DLG4: variants seen among roughly 807,000 people sequenced by gnomAD.
The protein encoded by DLG4 is disks large homolog 4.
In DLG4, 7 loss-of-function variants were observed where a neutral mutation model predicts 93.8. The ratio of observed to expected loss-of-function variants is 0.07; its 90% CI spans 0.04 to 0.14. The LOEUF (loss-of-function observed/expected upper bound fraction) is 0.14, where lower values mean the gene tolerates loss of function less well. Among genes scored for constraint, DLG4 ranks in the 10% least tolerant of loss-of-function variants. The pLI, the probability that DLG4 is intolerant of heterozygous loss-of-function variation, is 1.00. For synonymous variants in DLG4, 341 were observed against 387.6 expected, an observed-to-expected ratio of 0.88 and a Z score of 1.41; for missense variants, 545 against 992.9, an observed-to-expected ratio of 0.55 and a Z score of 6.06.
At chr17:7,197,960 G>C (rs773586075) in intron 8 of DLG4, among the ~76,000 whole-genome samples, 1 of 152,100 alleles carries the variant, frequency 6.6e-6, no homozygotes, top group East Asian at 1.9e-4. Context: ...GTAGCGCTAC[G>C]TTCTTCCTAC....
Position 7,193,928 on chromosome 17 carries a change from A to T in DLG4, c.1515+36T>A. ...TATGAGCTCAGCTCCATGAGCCCTC[A>T]CACTTCCACCCAGGCTCACACCCTC... On this transcript the variant is annotated intron_variant, in intron 13 of 19. Transcript: ENST00000399506. The surrounding 1 kb of genome is among the most constrained non-coding windows in gnomAD (Gnocchi z 6.7). 1 of 1,613,498 alleles carries T rather than the reference A, an allele frequency of 6.2e-7. No individual in the cohort carries two copies. Among genetic ancestry groups the T allele is most frequent in the Non-Finnish European group, 8.5e-7 (1 of 1,179,710 alleles).
chr17:7,197,791 G>A (rs1368861117), intron 8 of DLG4, among the ~76,000 whole-genome samples: 1 of 151,986 alleles, frequency 6.6e-6, no homozygotes, highest in Non-Finnish European at 1.5e-5. Context: ...AGCCTATGAG[G>A]GAAATTCTAA....
At chr17:7,207,913 GC>G (rs1476402930) in intron 2 of DLG4, among the ~76,000 whole-genome samples, 1 of 151,754 alleles carries the variant, frequency 6.6e-6, no homozygotes, top group African/African-American at 2.4e-5. Context: ...CCCCACAAAC[GC>G]CCCCTCCCCC....
chr17:7,200,661 C>T (rs2070072357), intron 8 of DLG4, among the ~76,000 whole-genome samples: 1 of 151,970 alleles, frequency 6.6e-6, no homozygotes, highest in South Asian at 2.1e-4. Context: ...ATTCTCCTGC[C>T]TCAGCCTCCT....
chr17:7,213,221 C>T (rs2070779732), intron 1 of DLG4, among the ~76,000 whole-genome samples: 1 of 151,244 alleles, frequency 6.6e-6, no homozygotes, highest in African/African-American at 2.4e-5. Context: ...CCTCAACCTC[C>T]CGGATATCTG....
At chr17:7,199,092 G>C (rs574763915) in intron 8 of DLG4, among the ~76,000 whole-genome samples, 1 of 152,212 alleles carries the variant, frequency 6.6e-6, no homozygotes, top group Admixed American at 6.5e-5. Flanking sequence ...TGAGGTAGCT[G>C]GTACATGAAA....
rs762785732 is a variant in DLG4, at chr17:7,204,266, CAA to C, written c.97-16_97-15del. On this transcript the variant is annotated splice_polypyrimidine_tract_variant and intron_variant, in intron 2 of 19. Coordinates refer to ENST00000399506, the MANE Select transcript of DLG4 (RefSeq NM_001321075.3). Reference sequence around the variant, plus strand: ...GGGAGAATTGGCCTGTTTGGGAAAACAAGAGACAAAAAGCAGCCTGAGCCTTG... The same window carrying C: ...GGGAGAATTGGCCTGTTTGGGAAAACGAGACAAAAAGCAGCCTGAGCCTTG... 7.6e-6 allele frequency: 12 copies of C among 1,574,066 alleles called. No homozygotes were observed. The East Asian group carries it at 2.5e-4, about 32-fold the overall frequency.
chr17:7,217,230 CT>C lies in DLG4; in HGVS notation c.-84del. 1 of 1,258,488 alleles carries C rather than the reference CT, an allele frequency of 7.9e-7. No individual in the cohort carries two copies. Among genetic ancestry groups the C allele is most frequent in the Non-Finnish European group, 1.0e-6 (1 of 994,790 alleles). The allele number at this position is 1,258,488 out of a possible 1,614,324, so 78.0% of individuals were successfully genotyped here. A position where few individuals can be genotyped will look rare whatever the true frequency, so the allele number is the denominator to read the frequency against. On this transcript the variant is annotated 5_prime_UTR_variant, in exon 1 of 20. Coordinates refer to ENST00000399506, the MANE Select transcript of DLG4 (RefSeq NM_001321075.3). The stretch of plus-strand genomic sequence containing the variant: ...TCCTCCCCTCCGTGGGTTCTCACCC[CT>C]CCCCCCTCCGCACCCCACTTTTGCA...
intron 8 of DLG4, among the ~76,000 whole-genome samples, chr17:7,200,856 G>GTTTTTT (rs1243920377): frequency 9.5e-5 from 9 of 94,686 alleles, no homozygotes; most frequent in East Asian, 3.1e-4. Context: ...GCCTGTTTTG[G>GTTTTTT]TTTTTTTTTT....
At position 7,203,303 on chromosome 17, in the gene DLG4, C is replaced by A. The variant is rs778679470; in HGVS notation, c.532G>T (p.Val178Leu). ...TCTCCTGGGATGTGCTGGTTCCCTA[C>A]GCCCCCTGCGATGCTGAAGCCAAGA... ...KGLGFSIAGGVGNQHIPGDNS... is the reference protein window; with the variant it reads ...KGLGFSIAGGLGNQHIPGDNS... Residue 178 changes from valine to leucine, a missense_variant, in exon 7 of 20, where the codon GTA (valine) becomes TTA (leucine). By Grantham distance (32) the Val-to-Leu change is conservative (BLOSUM62 1). This residue lies in a region of DLG4 where 5 missense variants were observed against 27.6 expected (regional missense o/e 0.18). Transcript: ENST00000399506. The surrounding 1 kb of genome is among the most constrained non-coding windows in gnomAD (Gnocchi z 7.2). The A allele has an allele frequency of 8.1e-6, 13 of 1,605,294 alleles. No individual in the cohort carries two copies. The highest frequency in any genetic ancestry group is 1.1e-5 in the Non-Finnish European group (13 of 1,173,044).
rs552180814 is a variant in DLG4 at position 7,190,872 on chromosome 17, A to C, written c.2069-58T>G. On this transcript the variant is annotated intron_variant, in intron 19 of 19. Coordinates refer to ENST00000399506, the MANE Select transcript of DLG4 (RefSeq NM_001321075.3). ...AGGAAGGGCCAGAGGACACCTGGCC[A>C]AGGGGGTTGCACCAGCCCAGAGGAA... 255 of 1,439,024 alleles carry C rather than the reference A, an allele frequency of 1.8e-4. 3 individuals are homozygous for C. The South Asian group carries it at 2.8e-3, about 16-fold the overall frequency. 89.1% of individuals were successfully genotyped at this position (1,439,024 alleles called of 1,614,324 possible).
chr17:7,217,188 C>G lies in DLG4; in HGVS notation c.-41G>C. On this transcript the variant is annotated 5_prime_UTR_variant, in exon 1 of 20. Transcript: ENST00000399506. The stretch of plus-strand genomic sequence containing the variant: ...CGCGGCGGCGGGTAAGGGGCTCTGA[C>G]TTCATCGGAGTTTCGTTCCTCCCCT... 7.9e-7 allele frequency: 1 copy of G among 1,271,668 alleles called. No homozygotes were observed. Among genetic ancestry groups the G allele is most frequent in the Non-Finnish European group, 1.0e-6 (1 of 1,002,266 alleles). 78.8% of individuals were successfully genotyped at this position (1,271,668 alleles called of 1,614,324 possible).
upstream of DLG4, chr17:7,219,322 GAGGGCAAAGACAGA>G: frequency 1.1e-6 from 1 of 893,008 alleles, no homozygotes; most frequent in Non-Finnish European, 1.4e-6. Context: ...GGAAGGAACA[GAGGGCAAAGACAGA>G]AGGGAATGTT....
At position 7,192,933 on chromosome 17, in the gene DLG4, G is replaced by T; in HGVS notation, c.1866+12C>A. 1 of 1,602,764 alleles carries T rather than the reference G, an allele frequency of 6.2e-7. No individual in the cohort carries two copies. The highest frequency in any genetic ancestry group is 8.5e-7 in the Non-Finnish European group (1 of 1,174,252). ...GGAGAAGGAAGAGGACCGGGTGCCC[G>T]CCAGGTCCTACCTGCTCTGCCACCT... On this transcript the variant is annotated intron_variant, in intron 17 of 19. Transcript: ENST00000399506.
At chr17:7,207,406 A>T (rs2070516321) in intron 2 of DLG4, among the ~76,000 whole-genome samples, 1 of 152,102 alleles carries the variant, frequency 6.6e-6, no homozygotes, top group African/African-American at 2.4e-5. Flanking sequence ...AAGAGAACTC[A>T]GGAGTGGAGC....
At chr17:7,206,515 C>G (rs767449072) in intron 2 of DLG4, among the ~76,000 whole-genome samples, 1 of 152,092 alleles carries the variant, frequency 6.6e-6, no homozygotes, top group Non-Finnish European at 1.5e-5. Flanking sequence ...ACTACCACCC[C>G]TCAGGCTCCC....
upstream of DLG4, chr17:7,218,950 A>G (rs2071061164): frequency 2.3e-6 from 3 of 1,294,312 alleles, no homozygotes; most frequent in Non-Finnish European, 3.3e-6. Flanking sequence ...GCCGTCTCTG[A>G]GCCGACCAGC....
rs1460963059 is a variant in DLG4, at chr17:7,189,128, G to A, written c.*1580C>T. On this transcript the variant is annotated 3_prime_UTR_variant, in exon 20 of 20. Transcript: ENST00000399506. The stretch of plus-strand genomic sequence containing the variant: ...CTCTGTCTCAAAAAAAAAAAAAAAA[G>A]GGTGGGGGGGGCGCATAAAGAAACC... 1.5e-5 allele frequency among the ~76,000 whole-genome samples: 2 copies of A among 130,758 alleles called. No individual in the cohort carries two copies. Among genetic ancestry groups the A allele is most frequent in the African/African-American group, 3.2e-5 (1 of 30,798 alleles). 85.8% of individuals were successfully genotyped at this position (130,758 alleles called of 152,430 possible). A position where few individuals can be genotyped will look rare whatever the true frequency, so the allele number is the denominator to read the frequency against.
intron 1 of DLG4, among the ~76,000 whole-genome samples, chr17:7,210,798 G>T (rs1249654453): frequency 1.3e-5 from 2 of 152,134 alleles, no homozygotes; most frequent in African/African-American, 2.4e-5. Context: ...GAAAATTCCT[G>T]AATCTGAGGA....
Sources: gnomAD v4.1 joint callset for allele counts (sites outside exome capture counted in the v4.1 genomes callset) on GRCh38, gnomAD v4.1.1 for gene constraint, gnomAD v4.1.1 regional missense constraint, Gnocchi (gnomAD v3.1) non-coding constraint, MANE v1.5 for transcripts, NCBI Gene and HGNC (gene_info 2026-07-23, HGNC 2026-07-21) for gene names.